The following CABP1 variants were observed in gnomAD, a reference collection of about 807,000 sequenced individuals.
The protein encoded by CABP1 is calcium binding protein 1, also known as calcium-binding protein 1.
In CABP1, 17 loss-of-function variants were observed where a neutral mutation model predicts 34.3. That is an observed-to-expected ratio of 0.50 (90% CI 0.34 to 0.74). The LOEUF (loss-of-function observed/expected upper bound fraction) is 0.74. CABP1 is among the 30% of genes least tolerant of loss of function. The pLI, the probability that CABP1 is intolerant of heterozygous loss-of-function variation, is 0.01. For synonymous variants in CABP1, 198 were observed against 229.2 expected (o/e 0.86, Z 1.23); for missense variants, 373 against 511.1 (o/e 0.73, Z 2.61).
chr12:120,678,348 C>T, the CABP1 span, among the ~76,000 whole-genome samples: 2 of 152,206 alleles, frequency 1.3e-5, no homozygotes, highest in Non-Finnish European at 2.9e-5. Context: ...GGGGCTCAAA[C>T]ACAGCTGCTG....
At chr12:120,659,854 A>G in intron 1 of CABP1, 24 bp from the exon 2 acceptor site, 1 of 1,611,676 alleles carries the variant, frequency 6.2e-7, no homozygotes, top group Non-Finnish European at 8.5e-7. Context: ...GTCGCGGCTA[A>G]TAGGACATGT....
At chr12:120,678,727 T>C in the CABP1 span, among the ~76,000 whole-genome samples, 3 of 152,112 alleles carry the variant, frequency 2.0e-5, no homozygotes, top group African/African-American at 7.2e-5. Context: ...ACGACTATGA[T>C]TTACTGATCA....
chr12:120,673,890 A>C, the CABP1 span, among the ~76,000 whole-genome samples: 1 of 152,300 alleles, frequency 6.6e-6, no homozygotes, highest in East Asian at 1.9e-4. Context: ...AGCATCGTAA[A>C]TGTTTTTGCT....
downstream of CABP1, among the ~76,000 whole-genome samples, chr12:120,668,645 AG>A (rs1881133513): frequency 6.6e-6 from 1 of 152,228 alleles, no homozygotes; most frequent in African/African-American, 2.4e-5. Flanking sequence ...AAGTGCCCTC[AG>A]GGCATTGCAC....
chr12:120,679,464 A>G, the CABP1 span, among the ~76,000 whole-genome samples: 1 of 152,216 alleles, frequency 6.6e-6, no homozygotes, highest in Non-Finnish European at 1.5e-5. Flanking sequence ...AGTAGGAACC[A>G]ATGATTATTG....
Position 120,661,602 on chromosome 12 carries a change from CTA to C in CABP1, c.1087+386_1087+387del. 7.7e-6 allele frequency: 1 copy of C among 129,142 alleles called. No individual in the cohort carries two copies. The highest frequency in any genetic ancestry group is 1.6e-5 in the Non-Finnish European group (1 of 62,084). 8.0% of individuals were successfully genotyped at this position (129,142 alleles called of 1,614,324 possible). ...TCCATTCATCCATTCATCTACCTAT[CTA>C]TCTATCTGTCCATCATCCATCCATC... On this transcript the variant is annotated intron_variant, in intron 5 of 5. Coordinates refer to ENST00000316803, the MANE Select transcript of CABP1 (RefSeq NM_001033677.2). The surrounding 1 kb of genome is among the most constrained non-coding windows in gnomAD (Gnocchi z 5.1).
In CABP1 at chr12:120,656,006, G is replaced by A. The variant is rs764132379; in HGVS notation, c.655-3872G>A. Reference sequence around the variant, plus strand: ...CTTGACTCTCAGGGTCCCCTCTTGCGGAAAGCCCCTCCCGGGACCAGGAGC... The same window carrying A: ...CTTGACTCTCAGGGTCCCCTCTTGCAGAAAGCCCCTCCCGGGACCAGGAGC... On this transcript the variant is annotated intron_variant, in intron 1 of 5. Coordinates refer to ENST00000316803, the MANE Select transcript of CABP1 (RefSeq NM_001033677.2). 4.3e-5 allele frequency: 68 copies of A among 1,591,606 alleles called. 1 individual carries two copies. Among genetic ancestry groups the A allele is most frequent in the South Asian group, 2.3e-4 (20 of 88,510 alleles).
At chr12:120,668,563 G>A (rs778963848), downstream of CABP1, among the ~76,000 whole-genome samples, 6 of 152,176 alleles carry the variant, frequency 3.9e-5, no homozygotes, top group Non-Finnish European at 5.9e-5. Flanking sequence ...AGGGCCAGTC[G>A]CGTCCCCTTT....
At chr12:120,674,920 A>C in the CABP1 span, among the ~76,000 whole-genome samples, 6 of 128,566 alleles carry the variant, frequency 4.7e-5, no homozygotes, top group African/African-American at 1.0e-4. Context: ...AAAAAAAAAA[A>C]CACCAAAAAT....
chr12:120,642,020 G>T (rs1372940578), intron 1 of CABP1, among the ~76,000 whole-genome samples: 2 of 152,126 alleles, frequency 1.3e-5, no homozygotes, highest in Non-Finnish European at 2.9e-5. Flanking sequence ...GGTTCCCTCA[G>T]GCCTTTCCCT....
At chr12:120,655,707 T>C in intron 1 of CABP1, 1 of 1,434,226 alleles carries the variant, frequency 7.0e-7, no homozygotes, top group Non-Finnish European at 9.1e-7. Context: ...GGAAAGGATG[T>C]TGTCTCATTA....
chr12:120,658,487 G>C (rs1880400242), intron 1 of CABP1, among the ~76,000 whole-genome samples: 1 of 152,106 alleles, frequency 6.6e-6, no homozygotes, highest in African/African-American at 2.4e-5. Context: ...TGGCGGAGCT[G>C]GGAGCTTGCA....
intron 1 of CABP1, among the ~76,000 whole-genome samples, chr12:120,643,831 A>G (rs1879441988): frequency 6.6e-6 from 1 of 152,236 alleles, no homozygotes; most frequent in African/African-American, 2.4e-5. Context: ...CCTGGCACGG[A>G]GCCCTTGCTA....
Position 120,660,185 on chromosome 12 carries a change from C to T in CABP1, c.686-11C>T. 6.2e-7 allele frequency: 1 copy of T among 1,613,956 alleles called. No homozygotes were observed. Among genetic ancestry groups the T allele is most frequent in the Non-Finnish European group, 8.5e-7 (1 of 1,179,872 alleles). ...ACCCCTGACCACATCCACCTTTGCT[C>T]ACTTCCCCAGAGCTCCGAGAGGCCT... is the stretch of plus-strand genomic sequence containing the variant. On this transcript the variant is annotated splice_polypyrimidine_tract_variant and intron_variant, in intron 2 of 5. Coordinates refer to ENST00000316803, the MANE Select transcript of CABP1 (RefSeq NM_001033677.2). This position sits in a 1 kb window ranked among gnomAD's most constrained non-coding sequence, Gnocchi z 5.0.
At chr12:120,673,333 C>T in the CABP1 span, among the ~76,000 whole-genome samples, 1 of 152,008 alleles carries the variant, frequency 6.6e-6, no homozygotes, top group Non-Finnish European at 1.5e-5. Context: ...ACCTGTAATC[C>T]CAGCGCTTTG....
In CABP1 at chr12:120,662,002, G is replaced by A. The variant is rs75152767; in HGVS notation, c.1087+784G>A. On this transcript the variant is annotated intron_variant, in intron 5 of 5. Coordinates refer to ENST00000316803, the MANE Select transcript of CABP1 (RefSeq NM_001033677.2). ...TCCATTCACACATTCATGTCTCTTC[G>A]TCTGCATATACTTCTACCCATACTT... 918 of 151,960 alleles carry A rather than the reference G, an allele frequency of 6.0e-3. 5 individuals are homozygous for A. The highest frequency in any genetic ancestry group is 0.024 in the Middle Eastern group (7 of 294). The allele number at this position is 151,960 out of a possible 1,614,324, so 9.4% of individuals were successfully genotyped here. A position where few individuals can be genotyped will look rare whatever the true frequency, so the allele number is the denominator to read the frequency against.
chr12:120,674,957 C>T, the CABP1 span, among the ~76,000 whole-genome samples: 1 of 151,716 alleles, frequency 6.6e-6, no homozygotes, highest in African/African-American at 2.4e-5. Context: ...CTGACCCCAG[C>T]TCTGCCACTT....
At chr12:120,662,812 A>G (rs111663046) in intron 5 of CABP1, among the ~76,000 whole-genome samples, 2,111 of 145,566 alleles carry the variant, frequency 0.015, 50 homozygotes, top group African/African-American at 0.051. Flanking sequence ...AGCCTCCCGA[A>G]TAGCTGGGAT....
chr12:120,644,189 A>G (rs773742689), intron 1 of CABP1, among the ~76,000 whole-genome samples: 1 of 152,356 alleles, frequency 6.6e-6, no homozygotes, highest in African/African-American at 2.4e-5. Flanking sequence ...TTCTTCATCC[A>G]GGAATGAGAT....
Sources: allele counts gnomAD v4.1 joint callset (sites outside exome capture counted in the v4.1 genomes callset), GRCh38; gene constraint gnomAD v4.1.1; non-coding constraint Gnocchi (gnomAD v3.1); transcripts MANE v1.5; gene names NCBI Gene and HGNC (gene_info 2026-07-23, HGNC 2026-07-21).